Variants in SERPINA3 observed in about 807,000 individuals in gnomAD.
SERPINA3 encodes alpha-1-antichymotrypsin.
SERPINA3 carries 32 observed loss-of-function variants against 26.8 expected under a neutral mutation model. The ratio of observed to expected loss-of-function variants is 1.20; its 90% CI spans 0.90 to 1.61. The LOEUF is 1.61. Ranked by LOEUF, SERPINA3 falls within the 40% of genes most tolerant of loss-of-function variation. The pLI is 0.00. For synonymous variants in SERPINA3, 252 were observed against 206.4 expected (o/e 1.22, Z -1.89); for missense variants, 632 against 517.9 (o/e 1.22, Z -2.14).
intron 1 of SERPINA3, chr14:94,613,287 C>T (rs1186872524): frequency 6.6e-6 from 1 of 152,014 alleles, no homozygotes; most frequent in Non-Finnish European, 1.5e-5. Context: ...TTCCAATCGC[C>T]TCTCTTCCCC....
rs771744525 is a variant in SERPINA3, at chr14:94,622,394, T to G, written c.971T>G (p.Leu324Arg). 4 of 1,614,086 alleles carry G rather than the reference T, an allele frequency of 2.5e-6. No homozygotes were observed. The highest frequency in any genetic ancestry group is 3.4e-6 in the Non-Finnish European group (4 of 1,180,004). ...TTTTCCATCTCGAGGGACTATAACCTGAACGACATACTTCTCCAGCTGGGC... is the reference window on the plus strand; with the variant it reads ...TTTTCCATCTCGAGGGACTATAACCGGAACGACATACTTCTCCAGCTGGGC... ...PKFSISRDYN[L>R]NDILLQLGIE... The change falls in exon 4 of 5, where the codon CTG (leucine) becomes CGG (arginine). Residue 324 changes from leucine to arginine, a missense_variant. Transcript: ENST00000393078.
Position 94,614,815 on chromosome 14 carries a change from C to A in SERPINA3, c.374C>A (p.Thr125Asn), listed in dbSNP as rs759994325. 6.2e-7 allele frequency: 1 copy of A among 1,614,202 alleles called. No homozygotes were observed. The change falls in exon 2 of 5, where the codon ACC becomes AAC. Residue 125 changes from threonine to asparagine, a missense_variant. Thr to Asn is a moderately conservative substitution (Grantham distance 65, BLOSUM62 0). Transcript: ENST00000393078. ...CAGAGCTTCCAGCACCTCCTGCGCACCCTCAATCAGTCCAGCGATGAGCTG... is the reference window on the plus strand; with the variant it reads ...CAGAGCTTCCAGCACCTCCTGCGCAACCTCAATCAGTCCAGCGATGAGCTG... ...IHQSFQHLLRTLNQSSDELQL... is the reference protein window; with the variant it reads ...IHQSFQHLLRNLNQSSDELQL...
intron 4 of SERPINA3, 176 bp downstream of exon 4, chr14:94,622,667 T>A: frequency 1.4e-6 from 1 of 706,654 alleles, no homozygotes; most frequent in South Asian, 1.6e-5. Flanking sequence ...GCCCAGCTCC[T>A]CCTGCCGTGT....
chr14:94,622,027 AG>A (rs1886218994), intron 3 of SERPINA3, among the ~76,000 whole-genome samples: 1 of 152,214 alleles, frequency 6.6e-6, no homozygotes, highest in Non-Finnish European at 1.5e-5. Flanking sequence ...CAACACACTC[AG>A]GGGTCCCTGC....
Position 94,614,601 on chromosome 14 carries a change from G to C in SERPINA3, c.160G>C (p.Val54Leu). ...HVDLGLASAN[V>L]DFAFSLYKQL... ...GGACCTCGGATTAGCCTCCGCCAAC[G>C]TGGACTTCGCTTTCAGCCTGTACAA... The change falls in exon 2 of 5, where the codon GTG becomes CTG. Residue 54 changes from valine to leucine, a missense_variant. Transcript: ENST00000393078. The C allele has an allele frequency of 1.9e-6, 3 of 1,614,118 alleles. No homozygotes were observed. Among genetic ancestry groups the C allele is most frequent in the South Asian group, 2.2e-5 (2 of 91,072 alleles).
At chr14:94,612,988 C>G (rs1437952723) in intron 1 of SERPINA3, among the ~76,000 whole-genome samples, 1 of 152,216 alleles carries the variant, frequency 6.6e-6, no homozygotes, top group African/African-American at 2.4e-5. Flanking sequence ...ACAGCCAGCC[C>G]TCCAACTTGC....
chr14:94,618,917 A>C, intron 2 of SERPINA3: 13 of 509,576 alleles, frequency 2.6e-5, no homozygotes, highest in East Asian at 3.6e-5. Flanking sequence ...CACTTTCCCT[A>C]AACCTTCTTT....
chr14:94,623,227 G>A (rs537457875), intron 4 of SERPINA3, among the ~76,000 whole-genome samples: 1 of 152,236 alleles, frequency 6.6e-6, no homozygotes, highest in Non-Finnish European at 1.5e-5. Context: ...GCAGCTGCTT[G>A]TGGTCAAGAG....
chr14:94,618,104 T>A (rs1886066941), intron 2 of SERPINA3: 1 of 152,182 alleles, frequency 6.6e-6, no homozygotes, highest in Non-Finnish European at 1.5e-5. Flanking sequence ...AAGAATGAGT[T>A]TCATGGAATT....
intron 2 of SERPINA3, chr14:94,618,703 C>A: frequency 4.3e-6 from 1 of 232,868 alleles, no homozygotes; most frequent in East Asian, 1.1e-4. Flanking sequence ...CTTCTGTCTG[C>A]CCTCACCAAC....
chr14:94,619,577 A>G lies in SERPINA3; in HGVS notation c.917+109A>G, dbSNP rs1349877754. The G allele has an allele frequency of 2.2e-6, 3 of 1,384,142 alleles. No individual in the cohort carries two copies. The Admixed American group carries it at 5.4e-5, about 25-fold the overall frequency. The allele number at this position is 1,384,142 out of a possible 1,614,324, so 85.7% of individuals were successfully genotyped here. ...GAGAACTCATACAGGGACAGGTGGA[A>G]TTTACACTTACTTTGCCCTATGCTG... On this transcript the variant is annotated intron_variant, in intron 3 of 4. Transcript: ENST00000393078.
At chr14:94,613,716 G>A (rs967391224) in intron 1 of SERPINA3, 2 of 152,306 alleles carry the variant, frequency 1.3e-5, no homozygotes, top group African/African-American at 4.8e-5. Context: ...CAGGCTTATG[G>A]TGGACACAGA....
intron 2 of SERPINA3, 108 bp downstream of exon 2, chr14:94,615,192 A>AT: frequency 8.1e-6 from 10 of 1,239,382 alleles, no homozygotes; most frequent in Non-Finnish European, 1.2e-5. Context: ...GAGTGCCCAC[A>AT]GCATGGGGGC....
intron 1 of SERPINA3, chr14:94,613,958 G>A (rs1442477525): frequency 1.1e-5 from 2 of 175,112 alleles, no homozygotes; most frequent in African/African-American, 2.4e-5. Context: ...TCTGCCCAGG[G>A]CTCCTTCATC....
chr14:94,616,393 TG>T (rs1276150358), intron 2 of SERPINA3, among the ~76,000 whole-genome samples: 2 of 152,212 alleles, frequency 1.3e-5, no homozygotes, highest in Non-Finnish European at 2.9e-5. Context: ...GTGCCAGTTT[TG>T]CTCCCTGCCT....
rs752346883 is a variant in SERPINA3, at chr14:94,614,574, G to A, written c.133G>A (p.Val45Met). 1.3e-5 allele frequency: 21 copies of A among 1,614,138 alleles called. No individual in the cohort carries two copies. Among genetic ancestry groups the A allele is most frequent in the Middle Eastern group, 3.3e-4 (2 of 6,062 alleles). Reference protein sequence around the residue: ...TQENQDRGTHVDLGLASANVD... With the variant: ...TQENQDRGTHMDLGLASANVD... ...GGAGAACCAAGACCGAGGGACACAC[G>A]TGGACCTCGGATTAGCCTCCGCCAA... The change falls in exon 2 of 5, where the codon GTG (valine) becomes ATG (methionine). Residue 45 changes from valine (V) to methionine (M), a missense_variant. By Grantham distance (21) the Val-to-Met change is conservative. Transcript: ENST00000393078.
rs1017809711 is a variant in SERPINA3, at chr14:94,622,751, T to C, written c.1068+260T>C. 9 of 518,934 alleles carry C rather than the reference T, an allele frequency of 1.7e-5. No individual in the cohort carries two copies. In the Admixed American group the frequency reaches 2.2e-4, roughly 13 times the overall value. 32.1% of individuals were successfully genotyped at this position (518,934 alleles called of 1,614,324 possible). ...GAGCCATGGACACCATTCCACACTA[T>C]ACCATTTACTATCCATGGGGGCAAA... On this transcript the variant is annotated intron_variant, in intron 4 of 4. Transcript: ENST00000393078.
At position 94,623,638 on chromosome 14, in the gene SERPINA3, T is replaced by G. The variant is rs368789568; in HGVS notation, c.1096T>G (p.Phe366Val). The change falls in exon 5 of 5, where the codon TTT becomes GTT. Residue 366 changes from phenylalanine to valine, a missense_variant. Transcript: ENST00000393078. ...QVVHKAVLDV[F>V]EEGTEASAAT... ...GGTCCATAAGGCTGTGCTTGATGTA[T>G]TTGAGGAGGGCACAGAAGCATCTGC... 1.4e-5 allele frequency: 22 copies of G among 1,614,032 alleles called. No individual in the cohort carries two copies. Among genetic ancestry groups the G allele is most frequent in the Non-Finnish European group, 1.8e-5 (21 of 1,180,030 alleles).
intron 3 of SERPINA3, among the ~76,000 whole-genome samples, chr14:94,621,936 C>A (rs1886216307): frequency 6.6e-6 from 1 of 152,214 alleles, no homozygotes. Flanking sequence ...GCCTCAACAC[C>A]ACCTCCTACA....
Sources: allele counts gnomAD v4.1 joint callset (sites outside exome capture counted in the v4.1 genomes callset), GRCh38; gene constraint gnomAD v4.1.1; transcripts MANE v1.5; gene names NCBI Gene and HGNC (gene_info 2026-07-23, HGNC 2026-07-21).